GPLD1: variants seen among roughly 807,000 people sequenced by gnomAD.
The protein encoded by GPLD1 is phosphatidylinositol-glycan-specific phospholipase D.
Under a neutral mutation model 112.6 loss-of-function variants are expected in GPLD1, and 84 were observed. That is an observed-to-expected ratio of 0.75 (90% CI 0.63 to 0.89). The LOEUF (loss-of-function observed/expected upper bound fraction) is 0.89. GPLD1 is among the 40% of genes least tolerant of loss of function. GPLD1 has a pLI of 0.00. For missense variants in GPLD1, 1,044 were observed against 1,051.5 expected (o/e 0.99, Z 0.10); for synonymous variants, 386 against 403.8 (o/e 0.96, Z 0.53).
intron 20 of GPLD1, among the ~76,000 whole-genome samples, chr6:24,442,896 G>A (rs1044941271): frequency 6.6e-6 from 1 of 151,942 alleles, no homozygotes; most frequent in Non-Finnish European, 1.5e-5. Flanking sequence ...TTTTATATTG[G>A]ACTTTATCAT....
chr6:24,450,567 T>A (rs1219538476), intron 14 of GPLD1, among the ~76,000 whole-genome samples: 2 of 152,206 alleles, frequency 1.3e-5, no homozygotes, highest in East Asian at 3.8e-4. Context: ...CAACAATAGC[T>A]AACATTTGTT....
At position 24,489,539 on chromosome 6, in the gene GPLD1, T is replaced by A. The variant is rs572607488; in HGVS notation, c.-28A>T. On this transcript the variant is annotated 5_prime_UTR_variant, in exon 1 of 25. Transcript: ENST00000230036. ...TCTCATTGCCCACCGGCTTCTCTGGTGACGTGGGAATGCTCAGAGCTGCAG... is the reference window on the plus strand; with the variant it reads ...TCTCATTGCCCACCGGCTTCTCTGGAGACGTGGGAATGCTCAGAGCTGCAG... The A allele has an allele frequency of 3.1e-6, 5 of 1,613,734 alleles. No individual in the cohort carries two copies. The African/African-American group carries it at 5.3e-5, about 17-fold the overall frequency.
intron 6 of GPLD1, 64 bp downstream of exon 6, chr6:24,473,555 G>A (rs1763897774): frequency 1.0e-6 from 1 of 965,154 alleles, no homozygotes; most frequent in Non-Finnish European, 1.7e-6. Flanking sequence ...TTAAAGCACA[G>A]TAGTGATGTC....
intron 11 of GPLD1, 25 bp downstream of exon 11, chr6:24,462,705 A>G: frequency 2.0e-6 from 3 of 1,530,708 alleles, no homozygotes; most frequent in Non-Finnish European, 2.7e-6. Context: ...TACTTTTTCT[A>G]TGAACAATTT....
intron 10 of GPLD1, among the ~76,000 whole-genome samples, chr6:24,466,426 CCA>C (rs1244442947): frequency 2.0e-5 from 3 of 152,222 alleles, no homozygotes; most frequent in African/African-American, 7.2e-5. Flanking sequence ...CTCACAGACC[CCA>C]AATATTGCAA....
In GPLD1 at chr6:24,458,696, T is replaced by C. The variant is rs543745532; in HGVS notation, c.1008+1583A>G. 7.7e-4 allele frequency among the ~76,000 whole-genome samples: 117 copies of C among 152,192 alleles called. 1 individual carries two copies. The Middle Eastern group carries it at 0.01, about 13-fold the overall frequency. On this transcript the variant is annotated intron_variant, in intron 12 of 24. Transcript: ENST00000230036. ...GAGTTCAAGACCAGCCTGGCCAACA[T>C]GGTGAAACCCCATCTCTACTAAAAA...
At chr6:24,451,278 G>A (rs1159738707) in intron 14 of GPLD1, among the ~76,000 whole-genome samples, 5 of 152,144 alleles carry the variant, frequency 3.3e-5, no homozygotes, top group East Asian at 3.9e-4. Context: ...TTATCCTACC[G>A]TCTGGAATCA....
At chr6:24,443,506 C>T (rs982607744) in intron 20 of GPLD1, among the ~76,000 whole-genome samples, 1 of 152,146 alleles carries the variant, frequency 6.6e-6, no homozygotes, top group African/African-American at 2.4e-5. Flanking sequence ...AACAGTTTTG[C>T]TGCTTACTCA....
chr6:24,446,121 C>T lies in GPLD1; in HGVS notation c.1821-290G>A, dbSNP rs186903514. ...GTTATGGGCTCAGTGGTGGTCCCCCCGATCCCTACACTGAAGCCCTAACCC... is the reference window on the plus strand; with the variant it reads ...GTTATGGGCTCAGTGGTGGTCCCCCTGATCCCTACACTGAAGCCCTAACCC... On this transcript the variant is annotated intron_variant, in intron 18 of 24. Coordinates refer to ENST00000230036, the MANE Select transcript of GPLD1 (RefSeq NM_001503.4). Among the ~76,000 whole-genome samples the T allele has an allele frequency of 8.5e-5, 13 of 152,168 alleles. 1 individual carries two copies. Among genetic ancestry groups the T allele is most frequent in the Admixed American group, 5.9e-4 (9 of 15,276 alleles).
chr6:24,432,866 A>C (rs1290431396), intron 24 of GPLD1, among the ~76,000 whole-genome samples: 3 of 152,190 alleles, frequency 2.0e-5, no homozygotes, highest in African/African-American at 7.2e-5. Flanking sequence ...CTGCCGTTTA[A>C]ACTTCATATG....
chr6:24,447,951 G>A lies in GPLD1; in HGVS notation c.1604C>T (p.Pro535Leu), dbSNP rs202217765. Residue 535 changes from proline to leucine, a missense_variant, in exon 17 of 25, where the codon CCT becomes CTT. Coordinates refer to ENST00000230036, the MANE Select transcript of GPLD1 (RefSeq NM_001503.4). Reference sequence around the variant, plus strand: ...CTGCTTCCCTCCACCTGGTGCAAAAGGGGAGCCGATGACCAGATCGGGTTC... The same window carrying A: ...CTGCTTCCCTCCACCTGGTGCAAAAAGGGAGCCGATGACCAGATCGGGTTC... The part of the protein sequence containing the change: ...DSEPDLVIGS[P>L]FAPGGGKQKG... The A allele has an allele frequency of 1.7e-5, 27 of 1,613,926 alleles. No individual in the cohort carries two copies. The East Asian group carries it at 3.8e-4, about 23-fold the overall frequency.
At chr6:24,468,304 A>G (rs557133352) in intron 7 of GPLD1, among the ~76,000 whole-genome samples, 3 of 152,318 alleles carry the variant, frequency 2.0e-5, no homozygotes, top group Non-Finnish European at 4.4e-5. Flanking sequence ...CAAAGGACAG[A>G]TAGAACTCAA....
At chr6:24,439,979 G>A (rs1436631964) in intron 20 of GPLD1, among the ~76,000 whole-genome samples, 2 of 151,794 alleles carry the variant, frequency 1.3e-5, no homozygotes, top group Admixed American at 6.6e-5. Flanking sequence ...CAGGGGTGGT[G>A]GGTATTTTTT....
intron 1 of GPLD1, chr6:24,494,732 G>A (rs1263625602): frequency 9.0e-6 from 3 of 334,628 alleles, no homozygotes; most frequent in Non-Finnish European, 1.1e-5. Flanking sequence ...CTCCATCCCC[G>A]AACCCAACCC....
At chr6:24,444,378 T>A (rs1274343362) in intron 20 of GPLD1, among the ~76,000 whole-genome samples, 1 of 152,104 alleles carries the variant, frequency 6.6e-6, no homozygotes, top group African/African-American at 2.4e-5. Context: ...AAGCTTCAGT[T>A]TTTAAATATC....
chr6:24,424,666 T>C (rs1470862338), downstream of GPLD1: 1 of 152,230 alleles, frequency 6.6e-6, no homozygotes, highest in East Asian at 1.9e-4. Context: ...AAATATTTTC[T>C]GGAGGTTAAG....
intron 7 of GPLD1, 129 bp from the exon 8 acceptor site, chr6:24,467,403 A>T: frequency 1.6e-6 from 1 of 631,684 alleles, no homozygotes; most frequent in Non-Finnish European, 2.8e-6. Context: ...CTTTACATGC[A>T]CCAGTTATTT....
rs796346778 is a variant in GPLD1 at position 24,440,961 on chromosome 6, G to A, written c.2021-3672C>T. Among the ~76,000 whole-genome samples the A allele has an allele frequency of 2.6e-5, 4 of 151,998 alleles. No homozygotes were observed. In the South Asian group the frequency reaches 8.3e-4, roughly 32 times the overall value. ...AGTATCCACGAAGGATTGGTTCCAG[G>A]GCCTCTCACAGATACCAAAATCCAC... On this transcript the variant is annotated intron_variant, in intron 20 of 24. Transcript: ENST00000230036.
At position 24,426,641 on chromosome 6, in the gene GPLD1, T is replaced by C. The variant is rs1223209233; in HGVS notation, c.*2391A>G. Among the ~76,000 whole-genome samples the C allele has an allele frequency of 6.6e-6, 1 of 152,170 alleles. No individual in the cohort carries two copies. On this transcript the variant is annotated 3_prime_UTR_variant, in exon 25 of 25. Transcript: ENST00000230036. Reference sequence around the variant, plus strand: ...TAAAAACTGACACTATATAAATGCATCCGTCTAATGAAAAGACCCAGTACT... The same window carrying C: ...TAAAAACTGACACTATATAAATGCACCCGTCTAATGAAAAGACCCAGTACT...
Sources: allele counts gnomAD v4.1 joint callset (sites outside exome capture counted in the v4.1 genomes callset), GRCh38; gene constraint gnomAD v4.1.1; transcripts MANE v1.5; gene names NCBI Gene and HGNC (gene_info 2026-07-23, HGNC 2026-07-21).